The following MERTK variants were observed in gnomAD, a reference collection of about 807,000 sequenced individuals.
MERTK encodes tyrosine-protein kinase Mer.
A neutral mutation model predicts 99.3 loss-of-function variants in MERTK; 69 were observed. The observed-to-expected ratio is 0.70, with a 90% CI of 0.57 to 0.85. The LOEUF (loss-of-function observed/expected upper bound fraction) is 0.85, where lower values mean the gene tolerates loss of function less well. Ranked by LOEUF, MERTK falls within the 40% of genes least tolerant of loss-of-function variation. The probability of loss-of-function intolerance (pLI) is 0.00; values close to 1 mark genes in which losing one functional copy is unlikely to be tolerated. For synonymous variants in MERTK, 426 were observed against 467.6 expected (o/e 0.91, Z 1.15); for missense variants, 1,125 against 1,249.4 (o/e 0.90, Z 1.50).
intron 4 of MERTK, among the ~76,000 whole-genome samples, chr2:111,949,443 A>G (rs1685016906): frequency 6.6e-6 from 1 of 152,130 alleles, no homozygotes; most frequent in African/African-American, 2.4e-5. Context: ...TGACTTCAGG[A>G]GGAATGTTAT....
chr2:111,976,838 GCT>G, intron 7 of MERTK, among the ~76,000 whole-genome samples: 1 of 150,430 alleles, frequency 6.6e-6, no homozygotes, highest in East Asian at 1.9e-4. Context: ...ATTAGCCATA[GCT>G]CTTTTTCTGT....
chr2:111,943,150 G>A (rs1004751826), intron 2 of MERTK, among the ~76,000 whole-genome samples: 8 of 152,150 alleles, frequency 5.3e-5, no homozygotes, highest in African/African-American at 1.9e-4. Context: ...CAGCTTCCTG[G>A]TTTCTTTTAA....
chr2:111,909,851 A>G (rs892899947), intron 1 of MERTK, among the ~76,000 whole-genome samples: 1 of 152,106 alleles, frequency 6.6e-6, no homozygotes, highest in South Asian at 2.1e-4. Context: ...CGGGAACACT[A>G]TGAAGAATGG....
At chr2:111,968,097 T>TTG (rs759853912) in intron 5 of MERTK, 40 bp from the exon 6 acceptor site, 3 of 800,044 alleles carry the variant, frequency 3.7e-6, no homozygotes, top group African/African-American at 2.3e-5. Context: ...ATAATTGTGT[T>TTG]TGTGTGTGTA....
At chr2:111,937,977 G>T (rs776637156) in intron 2 of MERTK, among the ~76,000 whole-genome samples, 5 of 152,024 alleles carry the variant, frequency 3.3e-5, no homozygotes, top group Non-Finnish European at 7.4e-5. Flanking sequence ...ACAATTCAGT[G>T]GCATTCACGT....
chr2:111,968,529 T>C (rs1356087477), intron 6 of MERTK, among the ~76,000 whole-genome samples: 1 of 151,274 alleles, frequency 6.6e-6, no homozygotes, highest in African/African-American at 2.4e-5. Context: ...TCTTCTTCTT[T>C]TTTTTTTTGA....
intron 4 of MERTK, among the ~76,000 whole-genome samples, chr2:111,961,699 A>G (rs992333791): frequency 2.6e-5 from 4 of 152,208 alleles, no homozygotes; most frequent in African/African-American, 9.6e-5. Context: ...CACTGGTGAC[A>G]ACCTTCCATC....
chr2:111,998,015 TG>T (rs1676788557), intron 10 of MERTK, among the ~76,000 whole-genome samples: 1 of 151,894 alleles, frequency 6.6e-6, no homozygotes, highest in African/African-American at 2.4e-5. Context: ...ACAGAATGAG[TG>T]AGGGGTGTAT....
At chr2:111,963,513 TCCGCA>T (rs1685296181) in intron 4 of MERTK, among the ~76,000 whole-genome samples, 2 of 152,218 alleles carry the variant, frequency 1.3e-5, no homozygotes, top group South Asian at 4.1e-4. Context: ...CCTGCGGCCT[TCCGCA>T]GTGTTTGTGT....
intron 2 of MERTK, among the ~76,000 whole-genome samples, chr2:111,935,700 A>G (rs903061857): frequency 6.6e-6 from 1 of 150,894 alleles, no homozygotes; most frequent in Non-Finnish European, 1.5e-5. Context: ...AATTATTTTA[A>G]TAGTAATGTA....
At chr2:112,006,415 G>C (rs551579760) in intron 13 of MERTK, among the ~76,000 whole-genome samples, 1 of 152,222 alleles carries the variant, frequency 6.6e-6, no homozygotes, top group Non-Finnish European at 1.5e-5. Context: ...CCTGAAGTTA[G>C]AATACTCACT....
intron 1 of MERTK, among the ~76,000 whole-genome samples, chr2:111,911,948 C>G: frequency 6.6e-6 from 1 of 151,912 alleles, no homozygotes; most frequent in Non-Finnish European, 1.5e-5. Flanking sequence ...CTCGGCCTGC[C>G]AAAGTGTGGG....
At chr2:111,941,430 A>G (rs1035477761) in intron 2 of MERTK, among the ~76,000 whole-genome samples, 1 of 152,118 alleles carries the variant, frequency 6.6e-6, no homozygotes, top group Admixed American at 6.5e-5. Context: ...GGAAACACCC[A>G]TATCTTCAGT....
At chr2:111,918,407 A>G in intron 1 of MERTK, among the ~76,000 whole-genome samples, 2 of 150,754 alleles carry the variant, frequency 1.3e-5, no homozygotes, top group East Asian at 4.0e-4. Context: ...GCATGATGGA[A>G]AAGTTAACAT....
chr2:111,977,212 A>G (rs1178202804), intron 7 of MERTK, among the ~76,000 whole-genome samples: 2 of 150,726 alleles, frequency 1.3e-5, no homozygotes, highest in South Asian at 2.1e-4. Flanking sequence ...ATCTGCTGGT[A>G]TGGTATTCAG....
chr2:111,965,208 G>A lies in MERTK; in HGVS notation c.775G>A (p.Val259Ile). ...LTVPGLTEMA[V>I]FSCEAHNDKG... ...CATTCCAGGCCTGACGGAGATGGCG[G>A]TCTTCAGTTGTGAGGCCCACAATGA... The change falls in exon 5 of 19, where the codon GTC becomes ATC. Residue 259 changes from valine (V) to isoleucine (I), a missense_variant. Physicochemically the swap from Val to Ile is conservative, Grantham distance 29 (BLOSUM62 3). Transcript: ENST00000295408. 1 of 1,614,172 alleles carries A rather than the reference G, an allele frequency of 6.2e-7. No individual in the cohort carries two copies. Among genetic ancestry groups the A allele is most frequent in the Non-Finnish European group, 8.5e-7 (1 of 1,180,032 alleles).
intron 10 of MERTK, among the ~76,000 whole-genome samples, chr2:111,997,725 T>A (rs1287498184): frequency 1.3e-5 from 2 of 152,192 alleles, no homozygotes; most frequent in African/African-American, 2.4e-5. Context: ...CTACTCAAAC[T>A]GGATTGCTGT....
chr2:112,019,864 C>T (rs6712080), intron 16 of MERTK, among the ~76,000 whole-genome samples: 34,854 of 152,142 alleles, frequency 0.23, 4,344 homozygotes, highest in South Asian at 0.32. Context: ...CTCTTAAAGA[C>T]AGCAGTGAAA....
chr2:111,919,592 T>C (rs1169995566), intron 1 of MERTK, among the ~76,000 whole-genome samples: 1 of 151,910 alleles, frequency 6.6e-6, no homozygotes, highest in East Asian at 1.9e-4. Flanking sequence ...CATTGCAGTC[T>C]GTTTGGGAAG....
Sources: allele counts gnomAD v4.1 joint callset (sites outside exome capture counted in the v4.1 genomes callset), GRCh38; gene constraint gnomAD v4.1.1; transcripts MANE v1.5; gene names NCBI Gene and HGNC (gene_info 2026-07-23, HGNC 2026-07-21).